DLG1: variants seen among roughly 807,000 people sequenced by gnomAD.
DLG1 encodes discs large MAGUK scaffold protein 1, also known as disks large homolog 1.
Under a neutral mutation model 123.4 loss-of-function variants are expected in DLG1, and 42 were observed. The observed-to-expected ratio is 0.34, with a 90% CI of 0.27 to 0.44. The LOEUF (loss-of-function observed/expected upper bound fraction) is 0.44. Ranked by LOEUF, DLG1 falls within the 20% of genes least tolerant of loss-of-function variation. The probability of loss-of-function intolerance (pLI) is 1.00; values close to 1 mark genes in which losing one functional copy is unlikely to be tolerated. For synonymous variants in DLG1, 317 were observed against 356.2 expected (o/e 0.89, Z 1.24); for missense variants, 942 against 1,082.6 (o/e 0.87, Z 1.82).
intron 4 of DLG1, among the ~76,000 whole-genome samples, chr3:197,207,954 A>C (rs999056002): frequency 2.1e-5 from 3 of 145,826 alleles, no homozygotes; most frequent in Admixed American, 6.9e-5. Flanking sequence ...ATTTGACTAG[A>C]AGTCAAAACG....
intron 4 of DLG1, among the ~76,000 whole-genome samples, chr3:197,230,661 T>A (rs1742459677): frequency 6.6e-6 from 1 of 152,182 alleles, no homozygotes; most frequent in Non-Finnish European, 1.5e-5. Context: ...CTGTCCCCAA[T>A]CCCACTGATT....
chr3:197,298,249 G>C (rs990038165), intron 1 of DLG1: 1 of 353,410 alleles, frequency 2.8e-6, no homozygotes, highest in East Asian at 4.1e-5. Context: ...GGGTTGGAAG[G>C]GGGAGGCGGG....
At chr3:197,173,308 G>A (rs1332585880) in intron 5 of DLG1, among the ~76,000 whole-genome samples, 1 of 152,174 alleles carries the variant, frequency 6.6e-6, no homozygotes. Context: ...TAAAGATGAT[G>A]ATGACCTCAC....
intron 14 of DLG1, among the ~76,000 whole-genome samples, chr3:197,092,772 G>C (rs1758462531): frequency 6.6e-6 from 1 of 152,112 alleles, no homozygotes; most frequent in Non-Finnish European, 1.5e-5. Context: ...CACAGCTCTG[G>C]GATCACAAGT....
chr3:197,099,281 T>A (rs977002696), intron 14 of DLG1, among the ~76,000 whole-genome samples: 8 of 152,318 alleles, frequency 5.3e-5, no homozygotes, highest in Admixed American at 4.6e-4. Flanking sequence ...ACCCAGGGGA[T>A]CTTCAACTCT....
Position 197,136,693 on chromosome 3 carries a change from G to T in DLG1, c.884-15C>A. ...AAACCCAAGACCTGTTTGGAAAACA[G>T]TTCTAGATTCTCATCCATAAATATG... is the stretch of plus-strand genomic sequence containing the variant. On this transcript the variant is annotated splice_polypyrimidine_tract_variant and intron_variant, in intron 9 of 24. Transcript: ENST00000667157. 1 of 1,589,736 alleles carries T rather than the reference G, an allele frequency of 6.3e-7. No homozygotes were observed. Among genetic ancestry groups the T allele is most frequent in the East Asian group, 2.2e-5 (1 of 44,502 alleles).
intron 14 of DLG1, among the ~76,000 whole-genome samples, chr3:197,098,814 G>A (rs1001980294): frequency 3.3e-5 from 5 of 152,198 alleles, no homozygotes; most frequent in African/African-American, 1.2e-4. Context: ...TTACAGGCGT[G>A]AGCCATTGCG....
intron 4 of DLG1, among the ~76,000 whole-genome samples, chr3:197,253,068 G>A (rs1365032331): frequency 6.6e-6 from 1 of 152,088 alleles, no homozygotes; most frequent in Non-Finnish European, 1.5e-5. Flanking sequence ...TGATAAATTG[G>A]ACTTCATCAA....
chr3:197,228,235 T>G (rs1740976589), intron 4 of DLG1, among the ~76,000 whole-genome samples: 1 of 152,234 alleles, frequency 6.6e-6, no homozygotes, highest in Admixed American at 6.5e-5. Flanking sequence ...CATGGAGGAT[T>G]TGTCTCATTG....
chr3:197,166,767 T>C (rs1801649873), intron 5 of DLG1, among the ~76,000 whole-genome samples: 1 of 152,014 alleles, frequency 6.6e-6, no homozygotes, highest in Admixed American at 6.6e-5. Context: ...GGCGGGCACC[T>C]GTAATCTCAG....
intron 6 of DLG1, among the ~76,000 whole-genome samples, chr3:197,148,403 T>C (rs1352404893): frequency 1.7e-5 from 2 of 119,158 alleles, no homozygotes; most frequent in Non-Finnish European, 1.7e-5. Flanking sequence ...AGAGTGAAAC[T>C]GTCTCAAGAA....
chr3:197,119,187 C>T (rs2149431207), intron 12 of DLG1, among the ~76,000 whole-genome samples: 1 of 152,110 alleles, frequency 6.6e-6, no homozygotes, highest in Non-Finnish European at 1.5e-5. Flanking sequence ...CAAAGAAAAG[C>T]AGTATTAATT....
At position 197,244,899 on chromosome 3, in the gene DLG1, GA is replaced by G. The variant is rs540574335; in HGVS notation, c.318+37779del. Among the ~76,000 whole-genome samples the G allele has an allele frequency of 2.2e-4, 33 of 152,276 alleles. No individual in the cohort carries two copies. The East Asian group carries it at 6.0e-3, about 28-fold the overall frequency. On this transcript the variant is annotated intron_variant, in intron 4 of 24. Transcript: ENST00000667157. ...TTGAGGGAAGAGAAAGTGGAAGAGAGACCAAGTACATAGCTCTTGAGAAACT... is the reference window on the plus strand; with the variant it reads ...TTGAGGGAAGAGAAAGTGGAAGAGAGCCAAGTACATAGCTCTTGAGAAACT...
chr3:197,243,049 C>T (rs374726), intron 4 of DLG1, among the ~76,000 whole-genome samples: 41,871 of 152,014 alleles, frequency 0.28, 6,146 homozygotes, highest in Middle Eastern at 0.38. Context: ...CAGAAGGGTG[C>T]TGCCTGCGTT....
chr3:197,213,410 G>A (rs577510369), intron 4 of DLG1, among the ~76,000 whole-genome samples: 47 of 152,248 alleles, frequency 3.1e-4, no homozygotes, highest in Middle Eastern at 3.4e-3. Flanking sequence ...GGGGAGTGGA[G>A]GGCTGAATGA....
intron 4 of DLG1, among the ~76,000 whole-genome samples, chr3:197,214,357 G>C (rs1407275858): frequency 6.6e-6 from 1 of 152,122 alleles, no homozygotes; most frequent in Non-Finnish European, 1.5e-5. Context: ...GGAGGATCAT[G>C]AGGTCAGGAG....
intron 5 of DLG1, among the ~76,000 whole-genome samples, chr3:197,189,219 AC>A (rs1339043239): frequency 6.6e-6 from 1 of 152,262 alleles, no homozygotes; most frequent in African/African-American, 2.4e-5. Context: ...AGGTTTCTTT[AC>A]AAAACCTAAT....
chr3:197,096,012 T>C (rs1005452340), intron 14 of DLG1, among the ~76,000 whole-genome samples: 1 of 152,208 alleles, frequency 6.6e-6, no homozygotes, highest in African/African-American at 2.4e-5. Context: ...CAAAAAAGCC[T>C]TAGTAATTTC....
chr3:197,193,611 T>C (rs1038719758), intron 5 of DLG1, among the ~76,000 whole-genome samples: 16 of 152,210 alleles, frequency 1.1e-4, no homozygotes, highest in Non-Finnish European at 1.9e-4. Flanking sequence ...GTGAGGAATG[T>C]AATACTGAGT....
Sources: gnomAD v4.1 joint callset for allele counts (sites outside exome capture counted in the v4.1 genomes callset) on GRCh38, gnomAD v4.1.1 for gene constraint, MANE v1.5 for transcripts, NCBI Gene and HGNC (gene_info 2026-07-23, HGNC 2026-07-21) for gene names.